TMC1: variants seen among roughly 807,000 people sequenced by gnomAD.
The protein encoded by TMC1 is transmembrane channel-like protein 1.
Under a neutral mutation model 105.8 loss-of-function variants are expected in TMC1, and 84 were observed. The ratio of observed to expected loss-of-function variants is 0.79; its 90% CI spans 0.67 to 0.95. The LOEUF (loss-of-function observed/expected upper bound fraction) is 0.95. TMC1 is among the 40% of genes least tolerant of loss of function. TMC1 has a pLI of 0.00. For synonymous variants in TMC1, 315 were observed against 311.5 expected, an observed-to-expected ratio of 1.01 and a Z score of -0.12; for missense variants, 817 against 914.1, an observed-to-expected ratio of 0.89 and a Z score of 1.37.
At chr9:72,770,387 A>T (rs1290807427) in intron 12 of TMC1, among the ~76,000 whole-genome samples, 2 of 91,676 alleles carry the variant, frequency 2.2e-5, no homozygotes, top group South Asian at 5.2e-4. Context: ...ATAAATCTTT[A>T]TATATATATA....
At chr9:72,550,657 C>CAAAAAAA (rs71493659) in intron 1 of TMC1, among the ~76,000 whole-genome samples, 2 of 61,792 alleles carry the variant, frequency 3.2e-5, no homozygotes, top group Non-Finnish European at 6.0e-5. Context: ...GACTCCATCT[C>CAAAAAAA]AAAAAAAAAA....
chr9:72,674,647 G>C (rs1419096643), intron 5 of TMC1, among the ~76,000 whole-genome samples: 2 of 152,188 alleles, frequency 1.3e-5, no homozygotes, highest in Non-Finnish European at 2.9e-5. Flanking sequence ...CAAAGCCCAG[G>C]AATCTGTGTT....
At chr9:72,795,041 A>G (rs1828339350) in intron 17 of TMC1, among the ~76,000 whole-genome samples, 1 of 152,214 alleles carries the variant, frequency 6.6e-6, no homozygotes, top group South Asian at 2.1e-4. Context: ...GAACTTGAAG[A>G]CTGGCTCTCT....
At chr9:72,757,517 T>G (rs982117617) in intron 12 of TMC1, among the ~76,000 whole-genome samples, 3 of 152,174 alleles carry the variant, frequency 2.0e-5, no homozygotes, top group African/African-American at 7.2e-5. Flanking sequence ...TTTTCAGATT[T>G]TGGCATATTT....
At chr9:72,661,461 G>A (rs192512650) in intron 5 of TMC1, among the ~76,000 whole-genome samples, 1 of 152,254 alleles carries the variant, frequency 6.6e-6, no homozygotes, top group East Asian at 1.9e-4. Flanking sequence ...AATCACCTTA[G>A]CCTCTCTAGG....
chr9:72,800,198 A>C lies in TMC1; in HGVS notation c.1567-5184A>C, dbSNP rs374299603. Among the ~76,000 whole-genome samples, 4 of 152,238 alleles carry C rather than the reference A, an allele frequency of 2.6e-5. No homozygotes were observed. In the South Asian group the frequency reaches 8.3e-4, roughly 31 times the overall value. On this transcript the variant is annotated intron_variant, in intron 17 of 23. Coordinates refer to ENST00000297784, the MANE Select transcript of TMC1 (RefSeq NM_138691.3). Reference sequence around the variant, plus strand: ...CATGGTACTTGGGTCTCCCTGTTCCATGGCTTTTTGAAGTGAAGTCTGGTT... The same window carrying C: ...CATGGTACTTGGGTCTCCCTGTTCCCTGGCTTTTTGAAGTGAAGTCTGGTT...
intron 2 of TMC1, among the ~76,000 whole-genome samples, chr9:72,599,920 A>G (rs1254010211): frequency 6.6e-6 from 1 of 152,256 alleles, no homozygotes; most frequent in African/African-American, 2.4e-5. Flanking sequence ...AATAACTATT[A>G]TAATGCAATG....
chr9:72,765,207 A>C (rs147949509), intron 12 of TMC1, among the ~76,000 whole-genome samples: 163 of 152,242 alleles, frequency 1.1e-3, no homozygotes, highest in African/African-American at 3.6e-3. Flanking sequence ...AAGAAGAAAG[A>C]TATGTTTGGG....
At chr9:72,601,262 T>A (rs111697784) in intron 2 of TMC1, among the ~76,000 whole-genome samples, 5 of 151,658 alleles carry the variant, frequency 3.3e-5, no homozygotes, top group African/African-American at 1.2e-4. Flanking sequence ...TCCCAGCTAC[T>A]TGGGAGGCTG....
intron 8 of TMC1, among the ~76,000 whole-genome samples, chr9:72,718,378 TTTTGTCC>T (rs1564511848): frequency 6.6e-6 from 1 of 152,238 alleles, no homozygotes; most frequent in Non-Finnish European, 1.5e-5. Context: ...GTTCAGATTC[TTTTGTCC>T]CATGGGGTGT....
intron 10 of TMC1, 81 bp from the exon 11 acceptor site, chr9:72,751,769 T>C (rs1827583374): frequency 1.1e-6 from 1 of 883,894 alleles, no homozygotes; most frequent in African/African-American, 1.7e-5. Context: ...GGATTCATTT[T>C]GAAGGCAACC....
chr9:72,688,518 T>C (rs1284350900), intron 5 of TMC1, among the ~76,000 whole-genome samples, 191 bp from the exon 6 acceptor site: 1 of 152,148 alleles, frequency 6.6e-6, no homozygotes, highest in Non-Finnish European at 1.5e-5. Flanking sequence ...AATAGAAAAA[T>C]CTTTGCATGG....
intron 1 of TMC1, among the ~76,000 whole-genome samples, chr9:72,539,835 G>A (rs1023377180): frequency 3.3e-5 from 5 of 152,076 alleles, no homozygotes; most frequent in African/African-American, 7.2e-5. Context: ...AACGAATACC[G>A]GAGGATGGGT....
intron 2 of TMC1, among the ~76,000 whole-genome samples, chr9:72,579,673 AT>A (rs1052957275): frequency 4.1e-4 from 63 of 152,164 alleles, no homozygotes; most frequent in African/African-American, 1.5e-3. Flanking sequence ...TAAATATGTT[AT>A]TTTATTCAAT....
chr9:72,659,231 G>A (rs1159955501), intron 5 of TMC1, among the ~76,000 whole-genome samples: 1 of 152,186 alleles, frequency 6.6e-6, no homozygotes, highest in Non-Finnish European at 1.5e-5. Flanking sequence ...AAATGAATCT[G>A]AATTCTCAAA....
At chr9:72,589,754 G>T (rs1824605618) in intron 2 of TMC1, among the ~76,000 whole-genome samples, 1 of 152,178 alleles carries the variant, frequency 6.6e-6, no homozygotes, top group African/African-American at 2.4e-5. Context: ...TTGGCTGTGG[G>T]TTATAAAACC....
chr9:72,740,330 A>C (rs1827367101), intron 9 of TMC1, 121 bp downstream of exon 9: 1 of 804,436 alleles, frequency 1.2e-6, no homozygotes, highest in Admixed American at 2.1e-5. Context: ...ATACTCATAC[A>C]GTATATACAC....
Position 72,751,945 on chromosome 9 carries a change from A to G in TMC1, c.631A>G (p.Met211Val). The G allele has an allele frequency of 6.2e-7, 1 of 1,607,058 alleles. No individual in the cohort carries two copies. The highest frequency in any genetic ancestry group is 8.5e-7 in the Non-Finnish European group (1 of 1,173,718). Residue 211 changes from methionine to valine, a missense_variant, in exon 11 of 24, where the codon ATG becomes GTG. Physicochemically the swap from Met to Val is conservative, Grantham distance 21. Transcript: ENST00000297784. ...VLFILTFSLI[M>V]LPEYLWGLPY... is the part of the protein sequence containing the mutation. ...CTTTATCCTGACATTTAGCCTCATC[A>G]TGTTGCCAGAGGTGAGATCTGACTT...
Position 72,692,773 on chromosome 9 carries a change from G to A in TMC1, c.65-1770G>A, listed in dbSNP as rs185616531. Among the ~76,000 whole-genome samples the A allele has an allele frequency of 1.8e-4, 27 of 152,144 alleles. No individual in the cohort carries two copies. In the East Asian group the frequency reaches 4.8e-3, roughly 27 times the overall value. ...CACAATATTAAACAAACAGAAACTC[G>A]TTCTTGATTTGGATGACAGAATATA... On this transcript the variant is annotated intron_variant, in intron 6 of 23. Transcript: ENST00000297784.
Sources: allele counts gnomAD v4.1 joint callset (sites outside exome capture counted in the v4.1 genomes callset), GRCh38; gene constraint gnomAD v4.1.1; transcripts MANE v1.5; gene names NCBI Gene and HGNC (gene_info 2026-07-23, HGNC 2026-07-21).